The following MTHFD1L variants were observed in gnomAD, a reference collection of about 807,000 sequenced individuals.
MTHFD1L encodes the protein monofunctional C1-tetrahydrofolate synthase, mitochondrial.
A neutral mutation model predicts 119.5 loss-of-function variants in MTHFD1L; 81 were observed. The observed-to-expected ratio is 0.68, with a 90% CI of 0.57 to 0.82. The LOEUF (loss-of-function observed/expected upper bound fraction) is 0.82. MTHFD1L is among the 40% of genes least tolerant of loss of function. MTHFD1L has a pLI of 0.00. For missense variants in MTHFD1L, 1,125 were observed against 1,253.4 expected (o/e 0.90, Z 1.55); for synonymous variants, 430 against 475.2 (o/e 0.90, Z 1.24).
intron 26 of MTHFD1L, among the ~76,000 whole-genome samples, chr6:151,046,173 A>G (rs1325201646): frequency 6.6e-6 from 1 of 152,064 alleles, no homozygotes; most frequent in African/African-American, 2.4e-5. Flanking sequence ...CAGCCAGGGA[A>G]ATATGCTGAG....
intron 24 of MTHFD1L, among the ~76,000 whole-genome samples, chr6:151,017,092 A>C (rs577144259): frequency 1.6e-4 from 25 of 151,956 alleles, no homozygotes; most frequent in African/African-American, 6.0e-4. Context: ...ACCATTTTTA[A>C]GTGCACGTCA....
intron 24 of MTHFD1L, chr6:151,022,069 C>G (rs945726509): frequency 2.1e-6 from 1 of 470,974 alleles, no homozygotes; most frequent in Non-Finnish European, 4.4e-6. Context: ...GAAGGAAGAG[C>G]AAAACAAACC....
At chr6:151,053,830 A>G (rs1455776157) in intron 26 of MTHFD1L, among the ~76,000 whole-genome samples, 3 of 151,260 alleles carry the variant, frequency 2.0e-5, no homozygotes, top group Non-Finnish European at 4.4e-5. Flanking sequence ...ACTGTACTCC[A>G]GCCTGGGTGA....
Position 150,960,420 on chromosome 6 carries a change from G to A in MTHFD1L, c.1944+5G>A, listed in dbSNP as rs1352473930. 1.9e-6 allele frequency: 3 copies of A among 1,605,420 alleles called. No individual in the cohort carries two copies. Among genetic ancestry groups the A allele is most frequent in the Non-Finnish European group, 2.6e-6 (3 of 1,175,474 alleles). On this transcript the variant is annotated splice_donor_5th_base_variant and intron_variant, in intron 18 of 27. Coordinates refer to ENST00000367321, the MANE Select transcript of MTHFD1L (RefSeq NM_015440.5). ...CCTGTGACAGCAGATGATTTGGTGA[G>A]TGTTTCCAACTCGGAAGCTTCAGGG...
intron 26 of MTHFD1L, among the ~76,000 whole-genome samples, chr6:151,061,768 T>C (rs1454409270): frequency 5.3e-5 from 8 of 152,218 alleles, no homozygotes. Flanking sequence ...TAACCCTGTA[T>C]TCCTTTAAAC....
At chr6:150,959,313 T>G in intron 17 of MTHFD1L, 6 of 577,516 alleles carry the variant, frequency 1.0e-5, no homozygotes, top group Non-Finnish European at 1.3e-5. Flanking sequence ...ATTCTCTCTC[T>G]GCGTAAGCTT....
intron 24 of MTHFD1L, among the ~76,000 whole-genome samples, chr6:151,026,819 C>CTTT (rs1784658926): frequency 9.3e-5 from 5 of 53,878 alleles, no homozygotes; most frequent in Admixed American, 2.4e-4. Flanking sequence ...TCCTTTCTAT[C>CTTT]CTTTTTTTTT....
At chr6:150,983,410 G>A (rs1223236864) in intron 20 of MTHFD1L, among the ~76,000 whole-genome samples, 1 of 152,134 alleles carries the variant, frequency 6.6e-6, no homozygotes, top group Non-Finnish European at 1.5e-5. Flanking sequence ...TACAGTTTGT[G>A]AGACTTTTCT....
intron 8 of MTHFD1L, among the ~76,000 whole-genome samples, chr6:150,906,035 A>G (rs1207019862): frequency 2.6e-5 from 4 of 152,174 alleles, no homozygotes; most frequent in African/African-American, 9.7e-5. Flanking sequence ...GATGATTTGT[A>G]TGTGTGTGAG....
chr6:151,091,973 A>G (rs950752206), intron 26 of MTHFD1L, among the ~76,000 whole-genome samples: 5 of 152,170 alleles, frequency 3.3e-5, no homozygotes, highest in Admixed American at 3.3e-4. Context: ...CTCTCAGTAG[A>G]TATCAGTTAC....
chr6:150,968,401 G>GA (rs1178651403), intron 19 of MTHFD1L, among the ~76,000 whole-genome samples: 7 of 152,198 alleles, frequency 4.6e-5, no homozygotes, highest in Admixed American at 3.9e-4. Context: ...CTGAATAAGA[G>GA]AAAAAATACG....
chr6:151,045,466 T>C (rs1337445772), intron 26 of MTHFD1L, among the ~76,000 whole-genome samples: 1 of 152,204 alleles, frequency 6.6e-6, no homozygotes, highest in Non-Finnish European at 1.5e-5. Flanking sequence ...AAAGAAACCT[T>C]GAGCTTATTT....
chr6:150,956,243 C>T (rs1562450560), intron 17 of MTHFD1L, among the ~76,000 whole-genome samples, 172 bp downstream of exon 17: 1 of 152,124 alleles, frequency 6.6e-6, no homozygotes, highest in Non-Finnish European at 1.5e-5. Context: ...CATAGAGGCT[C>T]CAGTGTCTTT....
At chr6:151,095,764 G>A (rs1202730660) in intron 27 of MTHFD1L, among the ~76,000 whole-genome samples, 3 of 152,238 alleles carry the variant, frequency 2.0e-5, no homozygotes, top group Admixed American at 6.5e-5. Context: ...TCAAGAGGAC[G>A]GAGCCTACCC....
chr6:150,929,685 G>T (rs1311031151), intron 11 of MTHFD1L, among the ~76,000 whole-genome samples: 1 of 152,184 alleles, frequency 6.6e-6, no homozygotes, highest in Non-Finnish European at 1.5e-5. Flanking sequence ...CTTTTTGCTA[G>T]CATTAATATG....
intron 20 of MTHFD1L, among the ~76,000 whole-genome samples, chr6:150,994,874 T>G (rs1779611597): frequency 6.6e-6 from 1 of 152,246 alleles, no homozygotes; most frequent in South Asian, 2.1e-4. Flanking sequence ...ATGATATCTT[T>G]GTTGGGGAGA....
chr6:150,964,320 A>T (rs1193858672), intron 18 of MTHFD1L, among the ~76,000 whole-genome samples: 1 of 152,186 alleles, frequency 6.6e-6, no homozygotes, highest in East Asian at 1.9e-4. Flanking sequence ...AAGAGGACTT[A>T]GAAGGAACTC....
At chr6:151,036,923 A>C (rs112124371) in intron 25 of MTHFD1L, 42 bp from the exon 26 acceptor site, 1 of 1,608,644 alleles carries the variant, frequency 6.2e-7, no homozygotes, top group Non-Finnish European at 8.5e-7. Context: ...ACAGGAGACT[A>C]ACATCTGTAT....
intron 26 of MTHFD1L, among the ~76,000 whole-genome samples, chr6:151,078,402 T>G (rs1157692749): frequency 6.6e-6 from 1 of 152,168 alleles, no homozygotes; most frequent in African/African-American, 2.4e-5. Context: ...TAATTTTCTC[T>G]TTTTTCTGCT....
Sources: gnomAD v4.1 joint callset for allele counts (sites outside exome capture counted in the v4.1 genomes callset) on GRCh38, gnomAD v4.1.1 for gene constraint, MANE v1.5 for transcripts, NCBI Gene and HGNC (gene_info 2026-07-23, HGNC 2026-07-21) for gene names.